GPHN: variants seen among roughly 807,000 people sequenced by gnomAD.
The protein encoded by GPHN is gephyrin.
A neutral mutation model predicts 95.5 loss-of-function variants in GPHN; 17 were observed. That is an observed-to-expected ratio of 0.18 (90% CI 0.12 to 0.27). The LOEUF (loss-of-function observed/expected upper bound fraction) is 0.27, where lower values mean the gene tolerates loss of function less well. Ranked by LOEUF, GPHN falls within the 10% of genes least tolerant of loss-of-function variation. GPHN has a pLI of 1.00. For synonymous variants in GPHN, 320 were observed against 322.5 expected (o/e 0.99, Z 0.08); for missense variants, 660 against 978.1 (o/e 0.67, Z 4.34).
intron 1 of GPHN, among the ~76,000 whole-genome samples, chr14:66,667,214 A>G (rs996026236): frequency 6.6e-6 from 1 of 152,232 alleles, no homozygotes; most frequent in Non-Finnish European, 1.5e-5. Context: ...AAAATGCCCA[A>G]AGCAATTTAT....
At chr14:67,338,611 A>C in the GPHN span, 40 of 1,612,628 alleles carry the variant, frequency 2.5e-5, no homozygotes, top group Non-Finnish European at 3.3e-5. Context: ...AAGAACCAGA[A>C]CAGGAAAGAT....
chr14:67,364,724 A>ATT, the GPHN span: 1 of 1,548,866 alleles, frequency 6.5e-7, no homozygotes. Context: ...TTTTATTTTC[A>ATT]CCTTAACTGA....
intron 1 of GPHN, among the ~76,000 whole-genome samples, chr14:66,546,917 G>C (rs1241796477): frequency 6.6e-6 from 1 of 152,180 alleles, no homozygotes; most frequent in African/African-American, 2.4e-5. Context: ...ACTTGTATGG[G>C]CCTCAAACAA....
intron 1 of GPHN, among the ~76,000 whole-genome samples, chr14:66,663,506 C>G (rs1166736084): frequency 6.6e-6 from 1 of 152,112 alleles, no homozygotes; most frequent in Non-Finnish European, 1.5e-5. Context: ...AAATCGTTAC[C>G]AGCCACTACA....
At position 67,169,047 on chromosome 14, in the gene GPHN, C is replaced by G; in HGVS notation, c.2079+11C>G. On this transcript the variant is annotated intron_variant, in intron 21 of 22. Coordinates refer to ENST00000478722, the MANE Select transcript of GPHN (RefSeq NM_020806.5). ...ATCATCAAAGCAAGGGTAATGCTTTCTAATGACCAGAAACCAAAATGGAAG... is the reference window on the plus strand; with the variant it reads ...ATCATCAAAGCAAGGGTAATGCTTTGTAATGACCAGAAACCAAAATGGAAG... 6.4e-7 allele frequency: 1 copy of G among 1,565,310 alleles called. No homozygotes were observed. Among genetic ancestry groups the G allele is most frequent in the South Asian group, 1.1e-5 (1 of 90,188 alleles).
At chr14:67,362,377 A>G in the GPHN span, among the ~76,000 whole-genome samples, 1 of 152,192 alleles carries the variant, frequency 6.6e-6, no homozygotes, top group Admixed American at 6.5e-5. Context: ...CTACTGAAAA[A>G]AAAATTAACA....
chr14:66,914,548 T>C (rs1364213502), intron 5 of GPHN, among the ~76,000 whole-genome samples: 1 of 152,118 alleles, frequency 6.6e-6, no homozygotes, highest in African/African-American at 2.4e-5. Context: ...TTCATAGAAA[T>C]ATTGGGAGGA....
chr14:67,691,540 A>G, the GPHN span: 1 of 263,950 alleles, frequency 3.8e-6, no homozygotes, highest in Non-Finnish European at 7.2e-6. Flanking sequence ...CTCTCAATAA[A>G]AAGACTTCCC....
the GPHN span, chr14:67,312,584 C>T: frequency 3.1e-6 from 5 of 1,613,220 alleles, no homozygotes; most frequent in African/African-American, 1.3e-5. Flanking sequence ...TGTTCCATGT[C>T]GAGAGTTAGG....
intron 1 of GPHN, among the ~76,000 whole-genome samples, chr14:66,629,080 CAT>C (rs35164691): frequency 3.6e-4 from 40 of 111,852 alleles, no homozygotes; most frequent in South Asian, 1.1e-3. Flanking sequence ...AAAAAAAATA[CAT>C]ATATATATAT....
At chr14:66,604,153 G>A (rs1471917113) in intron 1 of GPHN, among the ~76,000 whole-genome samples, 1 of 151,998 alleles carries the variant, frequency 6.6e-6, no homozygotes, top group Non-Finnish European at 1.5e-5. Context: ...GTCCTCATGT[G>A]TCATAGAGTC....
chr14:66,849,146 A>G (rs1349996509), intron 4 of GPHN, among the ~76,000 whole-genome samples: 2 of 151,990 alleles, frequency 1.3e-5, no homozygotes, highest in Admixed American at 1.3e-4. Flanking sequence ...TGATAGAACT[A>G]GAATTTGAAC....
At chr14:66,764,440 G>GTT (rs1027926305) in intron 2 of GPHN, among the ~76,000 whole-genome samples, 1 of 147,244 alleles carries the variant, frequency 6.8e-6, no homozygotes, top group African/African-American at 2.5e-5. Flanking sequence ...TATATGGTAG[G>GTT]TTTTTTTTTT....
intron 1 of GPHN, among the ~76,000 whole-genome samples, chr14:66,510,071 AC>A (rs541282305): frequency 6.6e-6 from 1 of 152,100 alleles, no homozygotes; most frequent in African/African-American, 2.4e-5. Flanking sequence ...AGAAAAGGGA[AC>A]CCCCAAATCA....
intron 1 of GPHN, among the ~76,000 whole-genome samples, chr14:66,549,236 G>C (rs933756034): frequency 6.6e-6 from 1 of 152,168 alleles, no homozygotes; most frequent in Admixed American, 6.5e-5. Context: ...GTCACAGGGG[G>C]TTGGTGAACA....
the GPHN span, among the ~76,000 whole-genome samples, chr14:67,707,369 A>G: frequency 6.6e-6 from 1 of 152,196 alleles, no homozygotes; most frequent in African/African-American, 2.4e-5. Flanking sequence ...AAGACAAATT[A>G]TGGTAGGACT....
chr14:67,731,230 T>TC, the GPHN span, among the ~76,000 whole-genome samples: 1 of 138,742 alleles, frequency 7.2e-6, no homozygotes, highest in Admixed American at 7.4e-5. Context: ...TTTTTTTTTT[T>TC]TGGAGACATA....
the GPHN span, chr14:67,292,807 T>C: frequency 2.0e-6 from 2 of 986,162 alleles, no homozygotes; most frequent in Admixed American, 4.6e-5. Flanking sequence ...AATGTGACTA[T>C]AAGATTTGTT....
At chr14:66,753,838 C>T (rs545370439) in intron 2 of GPHN, among the ~76,000 whole-genome samples, 1 of 152,162 alleles carries the variant, frequency 6.6e-6, no homozygotes, top group East Asian at 1.9e-4. Context: ...CAAAAGAAAT[C>T]TCTGTGCCCA....
Sources: gnomAD v4.1 joint callset for allele counts (sites outside exome capture counted in the v4.1 genomes callset) on GRCh38, gnomAD v4.1.1 for gene constraint, MANE v1.5 for transcripts, NCBI Gene and HGNC (gene_info 2026-07-23, HGNC 2026-07-21) for gene names.